The following DGLUCY variants were observed in gnomAD, a reference collection of about 807,000 sequenced individuals.
DGLUCY encodes the protein D-glutamate cyclase.
DGLUCY carries 58 observed loss-of-function variants against 58.5 expected under a neutral mutation model. The observed-to-expected ratio is 0.99, with a 90% CI of 0.80 to 1.23. The LOEUF (loss-of-function observed/expected upper bound fraction) is 1.23, where lower values mean the gene tolerates loss of function less well. DGLUCY is among the 50% of genes most tolerant of loss of function. The probability of loss-of-function intolerance (pLI) is 0.00; values close to 1 mark genes in which losing one functional copy is unlikely to be tolerated. For synonymous variants in DGLUCY, 325 were observed against 314.1 expected (o/e 1.03, Z -0.37); for missense variants, 779 against 784.7 (o/e 0.99, Z 0.09).
Position 91,161,827 on chromosome 14 carries a change from TTTA to T in DGLUCY, c.103+1431_103+1433del, listed in dbSNP as rs1168362553. Reference sequence around the variant, plus strand: ...TTTTTGCCATTTTTTTTTTTTTTTTTTTAAATAAAAGTAATGGCAAAAACTGCA... The same window carrying T: ...TTTTTGCCATTTTTTTTTTTTTTTTTAATAAAAGTAATGGCAAAAACTGCA... On this transcript the variant is annotated intron_variant, in intron 3 of 13. Transcript: ENST00000256324. 3.7e-5 allele frequency among the ~76,000 whole-genome samples: 4 copies of T among 108,344 alleles called. No homozygotes were observed. In the South Asian group the frequency reaches 1.2e-3, roughly 32 times the overall value. The allele number at this position is 108,344 out of a possible 152,430, so 71.1% of individuals were successfully genotyped here.
chr14:91,121,600 C>A (rs886209686), intron 1 of DGLUCY, among the ~76,000 whole-genome samples: 30 of 127,460 alleles, frequency 2.4e-4, no homozygotes, highest in Non-Finnish European at 4.1e-4. Context: ...GAGTGAGACT[C>A]CATCTCAAAA....
At chr14:91,158,366 C>T (rs767336970) in intron 2 of DGLUCY, among the ~76,000 whole-genome samples, 3 of 152,222 alleles carry the variant, frequency 2.0e-5, no homozygotes, top group Non-Finnish European at 2.9e-5. Context: ...TCCCCTGTGT[C>T]CCCACAGCAC....
At chr14:91,157,078 GATGGATGGATGGATGA>G (rs1435270491) in intron 1 of DGLUCY, among the ~76,000 whole-genome samples, 147 of 148,010 alleles carry the variant, frequency 9.9e-4, no homozygotes, top group Non-Finnish European at 1.7e-3. Flanking sequence ...TGGATGGATG[GATGGATGGATGGATGA>G]ATGGGTGGAT....
intron 4 of DGLUCY, among the ~76,000 whole-genome samples, chr14:91,169,725 C>T (rs551788314): frequency 1.3e-5 from 2 of 151,962 alleles, no homozygotes; most frequent in East Asian, 1.9e-4. Context: ...TTACTTTTCT[C>T]GGTGGTTTGG....
At chr14:91,165,431 A>G (rs2048223479) in intron 3 of DGLUCY, 1 of 364,554 alleles carries the variant, frequency 2.7e-6, no homozygotes, top group Non-Finnish European at 5.4e-6. Flanking sequence ...CAGAGACAGG[A>G]TCAGGATTCA....
At chr14:91,204,233 A>T (rs1335926238) in intron 11 of DGLUCY, among the ~76,000 whole-genome samples, 1 of 152,224 alleles carries the variant, frequency 6.6e-6, no homozygotes, top group Non-Finnish European at 1.5e-5. Flanking sequence ...GATATTTCAG[A>T]TGTTAACCAG....
chr14:91,107,772 G>A (rs546567256), upstream of DGLUCY, among the ~76,000 whole-genome samples: 16 of 152,150 alleles, frequency 1.1e-4, no homozygotes, highest in South Asian at 2.1e-4. Context: ...ATCAGATGGC[G>A]ATAAGTGCTG....
chr14:91,215,753 G>A (rs1375867155), intron 13 of DGLUCY, 197 bp downstream of exon 13: 1 of 1,439,440 alleles, frequency 6.9e-7, no homozygotes. Flanking sequence ...CGTGTGGCAG[G>A]CCTGATCCAA....
At chr14:91,185,168 C>G (rs2049424101) in intron 8 of DGLUCY, among the ~76,000 whole-genome samples, 1 of 151,502 alleles carries the variant, frequency 6.6e-6, no homozygotes, top group African/African-American at 2.4e-5. Context: ...GGGGTTTCAC[C>G]ATGTTGGCCA....
intron 7 of DGLUCY, among the ~76,000 whole-genome samples, chr14:91,179,514 G>A (rs898980094): frequency 7.9e-5 from 12 of 152,162 alleles, no homozygotes; most frequent in Non-Finnish European, 1.5e-4. Flanking sequence ...CACTCTGGGA[G>A]GCTGAGACAG....
rs779132940 is a variant in DGLUCY, at chr14:91,173,283, G to A, written c.457-6G>A. The A allele has an allele frequency of 7.2e-7, 1 of 1,398,170 alleles. No individual in the cohort carries two copies. The highest frequency in any genetic ancestry group is 2.7e-5 in the East Asian group (1 of 36,484). 86.6% of individuals were successfully genotyped at this position (1,398,170 alleles called of 1,614,324 possible). The stretch of plus-strand genomic sequence containing the variant: ...TTTCACTTGATTTTTTTTTTTTTTT[G>A]GTCAGACAACAGTGCCTTGTGTTAC... On this transcript the variant is annotated splice_polypyrimidine_tract_variant and splice_region_variant and intron_variant, in intron 5 of 13. Coordinates refer to ENST00000256324, the MANE Select transcript of DGLUCY (RefSeq NM_001102368.3).
chr14:91,104,066 T>TTTTTTTTTTC (rs1566941642), upstream of DGLUCY, among the ~76,000 whole-genome samples: 3 of 125,218 alleles, frequency 2.4e-5, no homozygotes, highest in Admixed American at 8.0e-5. Context: ...ACATTCTTTT[T>TTTTTTTTTTC]TTTTTTTTTT....
At chr14:91,127,468 G>A (rs750101163) in intron 1 of DGLUCY, among the ~76,000 whole-genome samples, 21 of 152,308 alleles carry the variant, frequency 1.4e-4, no homozygotes, top group African/African-American at 2.4e-4. Flanking sequence ...TCTACACCCC[G>A]TTCTCCCTGA....
At position 91,166,060 on chromosome 14, in the gene DGLUCY, G is replaced by A. The variant is rs546654771; in HGVS notation, c.104-1165G>A. Among the ~76,000 whole-genome samples, 45 of 152,322 alleles carry A rather than the reference G, an allele frequency of 3.0e-4. 1 individual carries two copies. In the South Asian group the frequency reaches 9.3e-3, roughly 32 times the overall value. ...GAATGAATCTCAAAATATATTGAGT[G>A]AGAGAAGCTAGACTTAAAAGACACA... is the stretch of plus-strand genomic sequence containing the variant. On this transcript the variant is annotated intron_variant, in intron 3 of 13. Coordinates refer to ENST00000256324, the MANE Select transcript of DGLUCY (RefSeq NM_001102368.3).
chr14:91,061,433 C>T (rs554349876), intron 1 of DGLUCY, among the ~76,000 whole-genome samples: 1 of 152,326 alleles, frequency 6.6e-6, no homozygotes, highest in East Asian at 1.9e-4. Context: ...CCCTAAGCAG[C>T]TTTCAATAGA....
At chr14:91,194,544 C>CTT (rs541744186) in intron 9 of DGLUCY, among the ~76,000 whole-genome samples, 6 of 140,908 alleles carry the variant, frequency 4.3e-5, no homozygotes, top group Admixed American at 1.4e-4. Flanking sequence ...GTGAGGGATC[C>CTT]TTTTTTTTTT....
intron 1 of DGLUCY, among the ~76,000 whole-genome samples, chr14:91,071,334 CAAA>C (rs3086750): frequency 2.0e-4 from 17 of 84,210 alleles, no homozygotes; most frequent in Admixed American, 1.4e-4. Context: ...GAGATTCCAC[CAAA>C]AAAAAAAAAA....
chr14:91,225,046 A>G lies in DGLUCY; in HGVS notation c.*213A>G, dbSNP rs1888017101. On this transcript the variant is annotated 3_prime_UTR_variant, in exon 14 of 14. Transcript: ENST00000256324. ...GACAACATTTCTCTGGGGCTTTTTAACTTTTATTCCTAAGACTCTAAAGGC... is the reference window on the plus strand; with the variant it reads ...GACAACATTTCTCTGGGGCTTTTTAGCTTTTATTCCTAAGACTCTAAAGGC... 3 of 478,030 alleles carry G rather than the reference A, an allele frequency of 6.3e-6. No homozygotes were observed. In the South Asian group the frequency reaches 1.5e-4, roughly 24 times the overall value. 29.6% of individuals were successfully genotyped at this position (478,030 alleles called of 1,614,324 possible). A position where few individuals can be genotyped will look rare whatever the true frequency, so the allele number is the denominator to read the frequency against.
chr14:91,209,451 G>C (rs1188425852), intron 12 of DGLUCY, among the ~76,000 whole-genome samples: 1 of 152,174 alleles, frequency 6.6e-6, no homozygotes, highest in East Asian at 1.9e-4. Context: ...GCTCACGCCT[G>C]TAATCCCAGC....
Sources: allele counts gnomAD v4.1 joint callset (sites outside exome capture counted in the v4.1 genomes callset), GRCh38; gene constraint gnomAD v4.1.1; transcripts MANE v1.5; gene names NCBI Gene and HGNC (gene_info 2026-07-23, HGNC 2026-07-21).